The following LINGO2 variants were observed in gnomAD, a reference collection of about 807,000 sequenced individuals.
The protein encoded by LINGO2 is leucine rich repeat and Ig domain containing 2, also known as leucine-rich repeat and immunoglobulin-like domain-containing nogo receptor-interacting protein 2.
In LINGO2, 14 loss-of-function variants were observed where a neutral mutation model predicts 30.6. The ratio of observed to expected loss-of-function variants is 0.46; its 90% confidence interval spans 0.30 to 0.72. The LOEUF (loss-of-function observed/expected upper bound fraction) is 0.72, where lower values mean the gene tolerates loss of function less well. Among genes scored for constraint, LINGO2 ranks in the 30% least tolerant of loss-of-function variants. The probability of loss-of-function intolerance (pLI) is 0.07; values close to 1 mark genes in which losing one functional copy is unlikely to be tolerated. For synonymous variants in LINGO2, 317 were observed against 288.5 expected, an observed-to-expected ratio of 1.10 and a Z score of -1.00; for missense variants, 729 against 751.7, an observed-to-expected ratio of 0.97 and a Z score of 0.35.
the LINGO2 span, among the ~76,000 whole-genome samples, chr9:28,822,909 A>G: frequency 6.6e-6 from 1 of 152,242 alleles, no homozygotes; most frequent in Non-Finnish European, 1.5e-5. Flanking sequence ...AGGCTGAAAC[A>G]GAACACAGTT....
intron 5 of LINGO2, among the ~76,000 whole-genome samples, chr9:27,998,849 C>T (rs1821799935): frequency 6.6e-6 from 1 of 152,082 alleles, no homozygotes; most frequent in Non-Finnish European, 1.5e-5. Flanking sequence ...AGATCCATAA[C>T]TGCCACAGCA....
At chr9:28,244,718 C>T (rs937429698) in intron 4 of LINGO2, among the ~76,000 whole-genome samples, 20 of 151,864 alleles carry the variant, frequency 1.3e-4, no homozygotes, top group African/African-American at 4.8e-4. Context: ...TGGATGAATT[C>T]CTGGACACAT....
intron 4 of LINGO2, among the ~76,000 whole-genome samples, chr9:28,204,849 G>T (rs2133834235): frequency 6.6e-6 from 1 of 152,262 alleles, no homozygotes; most frequent in South Asian, 2.1e-4. Flanking sequence ...TTAGCTAACA[G>T]ATTGAGTCGG....
chr9:28,279,950 T>C (rs553134052), intron 4 of LINGO2, among the ~76,000 whole-genome samples: 1 of 152,298 alleles, frequency 6.6e-6, no homozygotes, highest in Admixed American at 6.5e-5. Flanking sequence ...CTTTTATGTG[T>C]TTTTATTTTG....
chr9:29,146,248 C>T, the LINGO2 span, among the ~76,000 whole-genome samples: 394 of 152,090 alleles, frequency 2.6e-3, no homozygotes, highest in Non-Finnish European at 4.4e-3. Context: ...CCCAGCTACT[C>T]GGGAGGCTGA....
chr9:28,104,476 A>T (rs902785408), intron 4 of LINGO2, among the ~76,000 whole-genome samples: 3 of 151,832 alleles, frequency 2.0e-5, no homozygotes, highest in African/African-American at 7.3e-5. Context: ...CATATTTTGT[A>T]TGAGGCGCAA....
the LINGO2 span, among the ~76,000 whole-genome samples, chr9:29,192,647 T>C: frequency 1.3e-5 from 2 of 152,212 alleles, no homozygotes; most frequent in Admixed American, 6.5e-5. Flanking sequence ...CTAGAGACTA[T>C]ATATTGTTAA....
chr9:28,590,026 A>T (rs62560662), intron 1 of LINGO2, among the ~76,000 whole-genome samples: 27,691 of 152,068 alleles, frequency 0.18, 2,845 homozygotes, highest in Admixed American at 0.29. Context: ...CTGATCTTTG[A>T]CAAACCTGAG....
At chr9:28,286,643 C>T (rs533650114) in intron 4 of LINGO2, among the ~76,000 whole-genome samples, 18 of 152,246 alleles carry the variant, frequency 1.2e-4, no homozygotes, top group African/African-American at 4.3e-4. Context: ...AAAAGGATGA[C>T]ATCATGTTCT....
chr9:28,981,281 G>A, the LINGO2 span, among the ~76,000 whole-genome samples: 2 of 152,016 alleles, frequency 1.3e-5, no homozygotes, highest in Admixed American at 6.6e-5. Context: ...GTAGCTACTG[G>A]CAGAGTCTGA....
chr9:28,585,170 C>T (rs1824465591), intron 1 of LINGO2, among the ~76,000 whole-genome samples: 1 of 151,920 alleles, frequency 6.6e-6, no homozygotes, highest in Non-Finnish European at 1.5e-5. Context: ...ATTTGTATAT[C>T]CCAGACAACA....
chr9:28,562,393 A>G (rs116121751), intron 1 of LINGO2, among the ~76,000 whole-genome samples: 2,011 of 151,122 alleles, frequency 0.013, 47 homozygotes, highest in African/African-American at 0.045. Flanking sequence ...GTATAAAGTC[A>G]AAATGAATGT....
chr9:28,837,594 C>A, the LINGO2 span, among the ~76,000 whole-genome samples: 8 of 143,396 alleles, frequency 5.6e-5, no homozygotes, highest in East Asian at 2.1e-4. Context: ...TTGTGGTGAG[C>A]CAAGATCGCG....
chr9:28,627,135 AG>A (rs1465026921), intron 1 of LINGO2, among the ~76,000 whole-genome samples: 1 of 152,020 alleles, frequency 6.6e-6, no homozygotes, highest in Non-Finnish European at 1.5e-5. Context: ...AGGCTGACGT[AG>A]GTGTAGCCCT....
At chr9:28,334,740 A>G (rs1297661340) in intron 3 of LINGO2, among the ~76,000 whole-genome samples, 1 of 152,120 alleles carries the variant, frequency 6.6e-6, no homozygotes, top group Non-Finnish European at 1.5e-5. Flanking sequence ...GTCCTGTCCT[A>G]CTCATGCCCA....
chr9:28,256,432 C>T (rs2134028191), intron 4 of LINGO2, among the ~76,000 whole-genome samples: 1 of 151,706 alleles, frequency 6.6e-6, no homozygotes, highest in Non-Finnish European at 1.5e-5. Flanking sequence ...AGAAGTAAGC[C>T]AGATAGGAAA....
At chr9:28,409,038 G>A (rs2026964) in intron 2 of LINGO2, among the ~76,000 whole-genome samples, 139,949 of 152,076 alleles carry the variant, frequency 0.92, 64,526 homozygotes, top group East Asian at 1. Context: ...CAGGTTGTCA[G>A]TAATCACCCC....
chr9:28,956,576 A>C, the LINGO2 span, among the ~76,000 whole-genome samples: 23,823 of 52,786 alleles, frequency 0.45, 3,284 homozygotes, highest in African/African-American at 0.52. Context: ...TCCTTCCTCC[A>C]TCCCTCCCTC....
At chr9:28,345,594 T>C (rs1819534539) in intron 3 of LINGO2, among the ~76,000 whole-genome samples, 1 of 152,176 alleles carries the variant, frequency 6.6e-6, no homozygotes, top group Non-Finnish European at 1.5e-5. Context: ...TAAAATTTCA[T>C]CACAACATGG....
Sources: gnomAD v4.1 joint callset for allele counts (sites outside exome capture counted in the v4.1 genomes callset) on GRCh38, gnomAD v4.1.1 for gene constraint, MANE v1.5 for transcripts, NCBI Gene and HGNC (gene_info 2026-07-23, HGNC 2026-07-21) for gene names.